The following LRRTM4 variants were observed in gnomAD, a reference collection of about 807,000 sequenced individuals.
LRRTM4 encodes the protein leucine-rich repeat transmembrane neuronal protein 4.
LRRTM4 carries 25 observed loss-of-function variants against 47.6 expected under a neutral mutation model. That is an observed-to-expected ratio of 0.53 (90% CI 0.38 to 0.73). LRRTM4 has a LOEUF of 0.73. Ranked by LOEUF, LRRTM4 falls within the 30% of genes least tolerant of loss-of-function variation. The pLI is 0.00. For synonymous variants in LRRTM4, 311 were observed against 269.5 expected, an observed-to-expected ratio of 1.15 and a Z score of -1.51; for missense variants, 638 against 713.4, an observed-to-expected ratio of 0.89 and a Z score of 1.20.
chr2:76,915,384 C>T (rs1330591770), intron 3 of LRRTM4, among the ~76,000 whole-genome samples: 1 of 152,188 alleles, frequency 6.6e-6, no homozygotes, highest in Non-Finnish European at 1.5e-5. Context: ...AGTGTGGTGA[C>T]ACTGCCTCTG....
At chr2:77,416,235 C>A (rs1674630419) in intron 3 of LRRTM4, among the ~76,000 whole-genome samples, 1 of 151,916 alleles carries the variant, frequency 6.6e-6, no homozygotes, top group East Asian at 1.9e-4. Context: ...ATAATGACTG[C>A]AAAATTAATG....
At chr2:77,185,447 G>C (rs1673476024) in intron 3 of LRRTM4, among the ~76,000 whole-genome samples, 1 of 152,020 alleles carries the variant, frequency 6.6e-6, no homozygotes, top group Admixed American at 6.6e-5. Flanking sequence ...GGCTACAAGG[G>C]CGTTTACTTA....
At chr2:77,064,967 G>A (rs1382963203) in intron 3 of LRRTM4, among the ~76,000 whole-genome samples, 2 of 151,980 alleles carry the variant, frequency 1.3e-5, no homozygotes, top group Admixed American at 6.6e-5. Context: ...GATATTATAT[G>A]ACTCTGATAA....
chr2:77,289,913 T>C (rs1676773005), intron 3 of LRRTM4, among the ~76,000 whole-genome samples: 1 of 151,992 alleles, frequency 6.6e-6, no homozygotes, highest in Non-Finnish European at 1.5e-5. Flanking sequence ...TATCTCTTAA[T>C]TCCTCAGGGA....
intron 3 of LRRTM4, among the ~76,000 whole-genome samples, chr2:77,015,903 G>C (rs1048184757): frequency 6.6e-6 from 1 of 151,952 alleles, no homozygotes; most frequent in East Asian, 1.9e-4. Flanking sequence ...GATTACTTGA[G>C]GTCAGGAGTT....
intron 3 of LRRTM4, among the ~76,000 whole-genome samples, chr2:76,928,241 A>C (rs550041319): frequency 1.3e-5 from 2 of 152,344 alleles, no homozygotes; most frequent in South Asian, 4.1e-4. Flanking sequence ...TTGATAAAAT[A>C]AAAATTCAGT....
chr2:76,885,462 C>CT (rs775279021), intron 3 of LRRTM4, among the ~76,000 whole-genome samples: 21,454 of 135,490 alleles, frequency 0.16, 3,866 homozygotes, highest in African/African-American at 0.43. Flanking sequence ...CAAAAACATG[C>CT]TTTTTTTTTT....
Position 77,377,857 on chromosome 2 carries a change from C to G in LRRTM4, c.1551+140461G>C, listed in dbSNP as rs1467079571. On this transcript the variant is annotated intron_variant, in intron 3 of 3. Coordinates refer to ENST00000409884, the MANE Select transcript of LRRTM4 (RefSeq NM_001134745.3). ...TGAAGGTATTTATTTCTTCACTCCT[C>G]TATCGAAAATGCAAACACATTATTT... 2.6e-5 allele frequency among the ~76,000 whole-genome samples: 4 copies of G among 151,940 alleles called. No homozygotes were observed. The East Asian group carries it at 7.7e-4, about 29-fold the overall frequency.
chr2:76,919,399 C>A (rs1246798824), intron 3 of LRRTM4, among the ~76,000 whole-genome samples: 2 of 152,082 alleles, frequency 1.3e-5, no homozygotes, highest in African/African-American at 4.8e-5. Context: ...GCAGAATATT[C>A]CAAGAGCTCA....
chr2:77,432,461 T>G (rs1338757894), intron 3 of LRRTM4, among the ~76,000 whole-genome samples: 1 of 152,250 alleles, frequency 6.6e-6, no homozygotes, highest in African/African-American at 2.4e-5. Context: ...GTAAGGTATA[T>G]CCTTTAAATA....
intron 3 of LRRTM4, among the ~76,000 whole-genome samples, chr2:76,900,724 G>C (rs1348323446): frequency 1.3e-5 from 2 of 152,098 alleles, no homozygotes; most frequent in African/African-American, 4.8e-5. Context: ...CGAGATAATA[G>C]TTAAAAAGGT....
intron 3 of LRRTM4, among the ~76,000 whole-genome samples, chr2:76,871,137 G>A (rs570517645): frequency 9.2e-5 from 14 of 152,036 alleles, no homozygotes; most frequent in South Asian, 2.1e-4. Flanking sequence ...ATTCTTTACC[G>A]TAGAGAACAA....
chr2:77,197,508 T>G (rs989844508), intron 3 of LRRTM4, among the ~76,000 whole-genome samples: 5 of 152,178 alleles, frequency 3.3e-5, no homozygotes, highest in African/African-American at 4.8e-5. Flanking sequence ...AAAGTACATC[T>G]TACAACTTTC....
chr2:77,321,193 C>T (rs1677778444), intron 3 of LRRTM4, among the ~76,000 whole-genome samples: 1 of 152,014 alleles, frequency 6.6e-6, no homozygotes, highest in African/African-American at 2.4e-5. Context: ...TTTGATAAAA[C>T]AATAGAAAAA....
chr2:77,036,208 G>A (rs1305134088), intron 3 of LRRTM4, among the ~76,000 whole-genome samples: 2 of 151,372 alleles, frequency 1.3e-5, no homozygotes, highest in Non-Finnish European at 1.5e-5. Flanking sequence ...AATAATGAAG[G>A]TAATACTGTC....
At chr2:76,832,175 T>G (rs1482047725) in intron 3 of LRRTM4, among the ~76,000 whole-genome samples, 1 of 152,140 alleles carries the variant, frequency 6.6e-6, no homozygotes, top group Admixed American at 6.6e-5. Context: ...TTATTTTATC[T>G]TATTTGCCTT....
chr2:76,833,635 T>C (rs560055486), intron 3 of LRRTM4, among the ~76,000 whole-genome samples: 5 of 151,960 alleles, frequency 3.3e-5, no homozygotes, highest in Non-Finnish European at 7.4e-5. Flanking sequence ...CATTAATAAA[T>C]ACATATTTGT....
At chr2:76,891,492 G>A (rs774256699) in intron 3 of LRRTM4, among the ~76,000 whole-genome samples, 1 of 151,510 alleles carries the variant, frequency 6.6e-6, no homozygotes, top group Non-Finnish European at 1.5e-5. Flanking sequence ...TATTGGAAAA[G>A]TAAGCCAAAT....
At chr2:77,420,986 T>C (rs944863083) in intron 3 of LRRTM4, among the ~76,000 whole-genome samples, 21 of 149,904 alleles carry the variant, frequency 1.4e-4, no homozygotes, top group African/African-American at 4.6e-4. Context: ...CTTGGAGAAA[T>C]AGTGGGCCAC....
Sources: allele counts gnomAD v4.1 joint callset (sites outside exome capture counted in the v4.1 genomes callset), GRCh38; gene constraint gnomAD v4.1.1; transcripts MANE v1.5; gene names NCBI Gene and HGNC (gene_info 2026-07-23, HGNC 2026-07-21).